Variants in DNM3 observed in about 807,000 individuals in gnomAD.
DNM3 encodes dynamin 3.
A neutral mutation model predicts 101.6 loss-of-function variants in DNM3; 47 were observed. The observed-to-expected ratio is 0.46, with a 90% CI of 0.37 to 0.59. The LOEUF (loss-of-function observed/expected upper bound fraction) is 0.59, where lower values mean the gene tolerates loss of function less well. Among genes scored for constraint, DNM3 ranks in the 20% least tolerant of loss-of-function variants. DNM3 has a pLI of 0.00. For missense variants in DNM3, 849 were observed against 1,085.7 expected, an observed-to-expected ratio of 0.78 and a Z score of 3.06; for synonymous variants, 385 against 387.9, an observed-to-expected ratio of 0.99 and a Z score of 0.09.
chr1:172,279,795 A>C (rs2063419288), intron 15 of DNM3, among the ~76,000 whole-genome samples: 1 of 152,094 alleles, frequency 6.6e-6, no homozygotes. Flanking sequence ...CCTTGGCCTC[A>C]TCGGCCTAGT....
chr1:171,852,996 T>TAGATAAGAAATGACAGAC (rs2033157247), intron 1 of DNM3, among the ~76,000 whole-genome samples: 1 of 152,126 alleles, frequency 6.6e-6, no homozygotes, highest in Admixed American at 6.5e-5. Flanking sequence ...TATCTGTAGG[T>TAGATAAGAAATGACAGAC]AGATAAGAAA....
intron 9 of DNM3, among the ~76,000 whole-genome samples, 167 bp downstream of exon 9, chr1:172,044,619 T>C (rs904887674): frequency 2.6e-5 from 4 of 152,200 alleles, no homozygotes; most frequent in Non-Finnish European, 5.9e-5. Flanking sequence ...ACTTCCTGTA[T>C]TGCTGTAGTC....
intron 4 of DNM3, among the ~76,000 whole-genome samples, chr1:171,992,396 G>A (rs1044351265): frequency 9.2e-5 from 14 of 152,022 alleles, no homozygotes; most frequent in African/African-American, 2.2e-4. Context: ...CAGTATATTC[G>A]ATGTGTTGTT....
chr1:172,035,161 A>G (rs2048869771), intron 6 of DNM3, among the ~76,000 whole-genome samples: 1 of 152,156 alleles, frequency 6.6e-6, no homozygotes, highest in Non-Finnish European at 1.5e-5. Context: ...TGGGAGAGGT[A>G]GAGTCAAGGT....
intron 13 of DNM3, among the ~76,000 whole-genome samples, chr1:172,106,947 G>C (rs768619387): frequency 1.8e-4 from 23 of 128,768 alleles, no homozygotes; most frequent in Non-Finnish European, 3.5e-4. Flanking sequence ...TGCAAGCTCC[G>C]CTTCCCGGGT....
At chr1:172,033,658 T>G (rs555830640) in intron 6 of DNM3, among the ~76,000 whole-genome samples, 6 of 152,328 alleles carry the variant, frequency 3.9e-5, no homozygotes, top group African/African-American at 1.4e-4. Flanking sequence ...CACTTTCTGT[T>G]AAATTATTTT....
At position 172,048,687 on chromosome 1, in the gene DNM3, C is replaced by T; in HGVS notation, c.1272C>T (p.Ser424=). ...AGATTGTAAAGTTGAAAGGGCCTTC[C>T]TTGAAGAGTGTGGATCTGGTAATAC... ...KKQIVKLKGP[S]LKSVDLVIQE... The change falls in exon 10 of 21, where the codon TCC becomes TCT. Residue 424 remains serine (S), a synonymous_variant. Coordinates refer to ENST00000627582, the MANE Select transcript of DNM3 (RefSeq NM_015569.5). The T allele has an allele frequency of 6.2e-7, 1 of 1,613,610 alleles. No individual in the cohort carries two copies. Among genetic ancestry groups the T allele is most frequent in the Non-Finnish European group, 8.5e-7 (1 of 1,179,678 alleles).
rs538841263 is a variant in DNM3 at position 171,943,860 on chromosome 1, A to G, written c.235+22039A>G. On this transcript the variant is annotated intron_variant, in intron 2 of 20. Coordinates refer to ENST00000627582, the MANE Select transcript of DNM3 (RefSeq NM_015569.5). ...TTGACTCTTTTTATCAACTTTTTTT[A>G]TGTAATGGGTGAGGATTAGAATGTC... 2.5e-4 allele frequency among the ~76,000 whole-genome samples: 38 copies of G among 152,202 alleles called. No individual in the cohort carries two copies. The South Asian group carries it at 6.9e-3, about 27-fold the overall frequency.
chr1:172,307,511 A>G (rs1008305379), intron 15 of DNM3, among the ~76,000 whole-genome samples: 5 of 152,206 alleles, frequency 3.3e-5, no homozygotes, highest in African/African-American at 1.2e-4. Flanking sequence ...TGACCCAGTG[A>G]TCCCATTACT....
intron 15 of DNM3, among the ~76,000 whole-genome samples, chr1:172,304,379 T>C (rs2064669120): frequency 6.6e-6 from 1 of 151,826 alleles, no homozygotes; most frequent in Non-Finnish European, 1.5e-5. Flanking sequence ...GCACCCAGAT[T>C]CATAAAGCAA....
intron 1 of DNM3, among the ~76,000 whole-genome samples, chr1:171,859,583 C>G (rs1353338439): frequency 1.3e-5 from 2 of 152,148 alleles, no homozygotes; most frequent in Admixed American, 1.3e-4. Flanking sequence ...TGAACATCCA[C>G]TGTGTGCCAG....
intron 15 of DNM3, among the ~76,000 whole-genome samples, chr1:172,257,491 C>G (rs1325924760): frequency 2.0e-5 from 3 of 151,788 alleles, no homozygotes; most frequent in Admixed American, 1.3e-4. Flanking sequence ...TTGTGACAGC[C>G]CTCTTCATTC....
rs1196695064 is a variant in DNM3, at chr1:172,036,797, G to A, written c.850-1522G>A. 2.0e-5 allele frequency among the ~76,000 whole-genome samples: 3 copies of A among 151,914 alleles called. No homozygotes were observed. The South Asian group carries it at 6.2e-4, about 31-fold the overall frequency. On this transcript the variant is annotated intron_variant, in intron 6 of 20. Coordinates refer to ENST00000627582, the MANE Select transcript of DNM3 (RefSeq NM_015569.5). ...AACAAAAGCCAAAATTGACAAATGG[G>A]ATCTAATTAAACTAAAGAGCTTCTG...
chr1:172,010,760 G>A (rs1465097043), intron 4 of DNM3, among the ~76,000 whole-genome samples: 1 of 147,140 alleles, frequency 6.8e-6, no homozygotes, highest in Non-Finnish European at 1.5e-5. Context: ...CTGTGAGTTT[G>A]TAGTTTTCAT....
intron 11 of DNM3, among the ~76,000 whole-genome samples, chr1:172,070,216 G>A (rs1316923646): frequency 6.6e-6 from 1 of 152,168 alleles, no homozygotes; most frequent in Non-Finnish European, 1.5e-5. Context: ...AACAGGCTTT[G>A]TGATTCAGTT....
intron 17 of DNM3, chr1:172,376,538 C>T (rs2149049331): frequency 1.3e-5 from 2 of 152,172 alleles, no homozygotes; most frequent in South Asian, 4.1e-4. Context: ...AAGTGTTGCT[C>T]TCTGCAATTA....
At chr1:172,244,707 A>T (rs554175848) in intron 14 of DNM3, among the ~76,000 whole-genome samples, 20 of 152,260 alleles carry the variant, frequency 1.3e-4, no homozygotes, top group African/African-American at 4.8e-4. Flanking sequence ...AGGAAACAAC[A>T]GGTGCTGGAG....
chr1:171,932,095 CCTT>C (rs1413590450), intron 2 of DNM3, among the ~76,000 whole-genome samples: 1 of 136,994 alleles, frequency 7.3e-6, no homozygotes, highest in Non-Finnish European at 1.6e-5. Flanking sequence ...TCCCTTCCTC[CCTT>C]CTTCCCTTCC....
intron 2 of DNM3, among the ~76,000 whole-genome samples, chr1:171,968,219 A>T (rs2043730185): frequency 6.6e-6 from 1 of 152,190 alleles, no homozygotes; most frequent in South Asian, 2.1e-4. Context: ...AATCAGTATG[A>T]TTCTGTGATG....
Sources: allele counts gnomAD v4.1 joint callset (sites outside exome capture counted in the v4.1 genomes callset), GRCh38; gene constraint gnomAD v4.1.1; transcripts MANE v1.5; gene names NCBI Gene and HGNC (gene_info 2026-07-23, HGNC 2026-07-21).